Variants in SMIM9 observed in about 807,000 individuals in gnomAD.
SMIM9 encodes the protein small integral membrane protein 9, also known as chromosome X open reading frame 68.
A neutral mutation model predicts 7.2 loss-of-function variants in SMIM9; 8 were observed. That is an observed-to-expected ratio of 1.10 (90% CI 0.65 to 1.99). The LOEUF is 1.99. Among genes scored for constraint, SMIM9 ranks in the 30% most tolerant of loss-of-function variants. The pLI is 0.00. For synonymous variants in SMIM9, 19 were observed against 26.4 expected (o/e 0.72, Z 0.86); for missense variants, 76 against 69.3 (o/e 1.10, Z -0.34).
intron 4 of SMIM9, among the ~76,000 whole-genome samples, chrX:154,826,852 T>G (rs1364534227): frequency 8.9e-6 from 1 of 112,728 alleles, no homozygotes; most frequent in Non-Finnish European, 1.9e-5. Context: ...TGAGCTCTTG[T>G]AGCCTTTACT....
At chrX:154,826,422 C>A (rs1914358546) in intron 4 of SMIM9, among the ~76,000 whole-genome samples, 1 of 111,056 alleles carries the variant, frequency 9.0e-6, no homozygotes, top group Admixed American at 9.6e-5. Context: ...CTGCATATAG[C>A]ATTTACTATT....
At chrX:154,834,444 A>T (rs2072459746) in intron 1 of SMIM9, 119 bp downstream of exon 1, 1 of 112,532 alleles carries the variant, frequency 8.9e-6, no homozygotes, top group Non-Finnish European at 1.9e-5. Flanking sequence ...GCTGAAAATG[A>T]GCATTGTATG....
chrX:154,825,825 A>T (rs1422660225), intron 4 of SMIM9, among the ~76,000 whole-genome samples: 1 of 108,515 alleles, frequency 9.2e-6, no homozygotes, highest in Admixed American at 9.9e-5. Flanking sequence ...CAAGGACAAA[A>T]AACCAAACAC....
intron 4 of SMIM9, among the ~76,000 whole-genome samples, chrX:154,825,199 C>T (rs1170142723): frequency 9.0e-6 from 1 of 111,083 alleles, no homozygotes; most frequent in South Asian, 3.8e-4. Flanking sequence ...ACCAGCCTGA[C>T]CAACATGGTG....
chrX:154,830,713 AC>A lies in SMIM9; in HGVS notation c.142+1del. ...AAACATTCATCCTAACAGCAAACAC[AC>A]CCCCTGAGCGTGGTTTCGATCCTGT... is the stretch of plus-strand genomic sequence containing the variant. On this transcript the variant is annotated splice_donor_variant, in intron 3 of 4. Transcript: ENST00000369529. LOFTEE classifies it high-confidence loss of function. The A allele has an allele frequency of 8.6e-7, 1 of 1,165,730 alleles. No individual in the cohort carries two copies. Among genetic ancestry groups the A allele is most frequent in the Non-Finnish European group, 1.1e-6 (1 of 872,029 alleles).
At chrX:154,833,798 T>A (rs2072454589) in intron 1 of SMIM9, among the ~76,000 whole-genome samples, 2 of 110,592 alleles carry the variant, frequency 1.8e-5, no homozygotes, top group Non-Finnish European at 3.8e-5. Flanking sequence ...TTAAAAAAAT[T>A]AAAAAAATAA....
At chrX:154,829,484 C>G in intron 4 of SMIM9, 51 bp downstream of exon 4, 2 of 1,152,816 alleles carry the variant, frequency 1.7e-6, no homozygotes, top group Non-Finnish European at 2.3e-6. Flanking sequence ...GTTCCCACCC[C>G]CCTTCACATT....
chrX:154,830,131 G>C (rs2072438148), intron 3 of SMIM9, among the ~76,000 whole-genome samples: 1 of 111,481 alleles, frequency 9.0e-6, no homozygotes, highest in South Asian at 3.8e-4. Flanking sequence ...CCTCTAGGGG[G>C]AGTTTGCTGA....
In SMIM9 at chrX:154,830,728, T is replaced by A; in HGVS notation, c.129A>T (p.Lys43Asn). ...ALGIQEKTGSKPRSGGNHRSW... is the reference protein window; with the variant it reads ...ALGIQEKTGSNPRSGGNHRSW... ...CAGCAAACACACCCCCTGAGCGTGG[T>A]TTCGATCCTGTTTTTTCTTGTATTC... The change falls in exon 3 of 5, where the codon AAA (lysine) becomes AAT (asparagine). Residue 43 changes from lysine (K) to asparagine (N), a missense_variant. Transcript: ENST00000369529. The A allele has an allele frequency of 1.7e-6, 2 of 1,167,384 alleles. No individual in the cohort carries two copies. Among genetic ancestry groups the A allele is most frequent in the Non-Finnish European group, 2.3e-6 (2 of 872,776 alleles).
intron 3 of SMIM9, 24 bp downstream of exon 3, chrX:154,830,691 C>T (rs1557270496): frequency 8.6e-7 from 1 of 1,161,218 alleles, no homozygotes; most frequent in East Asian, 3.3e-5. Flanking sequence ...AAGAAAGAAA[C>T]ATTCATCCTA....
chrX:154,824,228 G>C (rs1334520926), intron 4 of SMIM9, among the ~76,000 whole-genome samples: 1 of 108,815 alleles, frequency 9.2e-6, no homozygotes, highest in Non-Finnish European at 1.9e-5. Context: ...GTGGTGGCGG[G>C]CGCCTGTAGT....
intron 2 of SMIM9, among the ~76,000 whole-genome samples, chrX:154,831,981 C>T (rs1015949947): frequency 1.8e-5 from 2 of 111,000 alleles, no homozygotes; most frequent in African/African-American, 6.5e-5. Flanking sequence ...ATATATTTTA[C>T]TTTACTTTAT....
At position 154,826,200 on chromosome X, in the gene SMIM9, C is replaced by T. The variant is rs782019878; in HGVS notation, c.273-2418G>A. ...ATCTACCATTTCTTCTCTAATCTTA[C>T]TTTCACCAAACTGTTTACTTAATAC... On this transcript the variant is annotated intron_variant, in intron 4 of 4. Transcript: ENST00000369529. 1.2e-3 allele frequency among the ~76,000 whole-genome samples: 131 copies of T among 112,294 alleles called. 2 individuals carry two copies. Among genetic ancestry groups the T allele is most frequent in the Non-Finnish European group, 1.3e-4 (7 of 53,177 alleles).
chrX:154,828,265 C>A (rs782324733), intron 4 of SMIM9, among the ~76,000 whole-genome samples: 1 of 111,007 alleles, frequency 9.0e-6, no homozygotes, highest in Non-Finnish European at 1.9e-5. Context: ...GGTTAAGTGA[C>A]CTATGAACTA....
rs1237488995 is a variant in SMIM9, at chrX:154,832,680, G to A, written c.-206C>T. The A allele has an allele frequency of 9.0e-6, 1 of 111,326 alleles. No individual in the cohort carries two copies. Among genetic ancestry groups the A allele is most frequent in the Non-Finnish European group, 1.9e-5 (1 of 53,061 alleles). 9.2% of individuals were successfully genotyped at this position (111,326 alleles called of 1,213,427 possible). A position where few individuals can be genotyped will look rare whatever the true frequency, so the allele number is the denominator to read the frequency against. On this transcript the variant is annotated 5_prime_UTR_variant, in exon 2 of 5. Coordinates refer to ENST00000369529, the MANE Select transcript of SMIM9 (RefSeq NM_001162936.4). ...AGAAGCTGGTCAGTCTTCTCCTTAGGTCTCTGAAGTTCCAAACAGAATTCC... is the reference window on the plus strand; with the variant it reads ...AGAAGCTGGTCAGTCTTCTCCTTAGATCTCTGAAGTTCCAAACAGAATTCC...
chrX:154,830,530 C>T, intron 3 of SMIM9, 185 bp downstream of exon 3: 2 of 465,702 alleles, frequency 4.3e-6, no homozygotes, highest in Non-Finnish European at 6.9e-6. Context: ...CCATGTAGTT[C>T]AGAAAAGGGC....
intron 3 of SMIM9, among the ~76,000 whole-genome samples, chrX:154,830,187 G>T (rs1557270458): frequency 9.0e-6 from 1 of 111,468 alleles, no homozygotes; most frequent in African/African-American, 3.3e-5. Flanking sequence ...AGCAACTGGG[G>T]GAGGAAGGTA....
intron 2 of SMIM9, among the ~76,000 whole-genome samples, chrX:154,831,559 C>T (rs782311573): frequency 3.6e-5 from 4 of 110,117 alleles, no homozygotes; most frequent in Non-Finnish European, 7.5e-5. Flanking sequence ...TGCTACCCAC[C>T]ATCATCTCTG....
chrX:154,826,994 G>A (rs146868378), intron 4 of SMIM9, among the ~76,000 whole-genome samples: 3,099 of 112,457 alleles, frequency 0.028, 124 homozygotes, highest in African/African-American at 0.094. Flanking sequence ...CAATTTACCT[G>A]TTAGGCTTCT....
Sources: allele counts gnomAD v4.1 joint callset (sites outside exome capture counted in the v4.1 genomes callset), GRCh38; gene constraint gnomAD v4.1.1; transcripts MANE v1.5; gene names NCBI Gene and HGNC (gene_info 2026-07-23, HGNC 2026-07-21).